The following DSCAML1 variants were observed in gnomAD, a reference collection of about 807,000 sequenced individuals.
DSCAML1 encodes the protein DS cell adhesion molecule like 1.
DSCAML1 carries 38 observed loss-of-function variants against 200.5 expected under a neutral mutation model. The ratio of observed to expected loss-of-function variants is 0.19; its 90% CI spans 0.15 to 0.25. The LOEUF is 0.25. Among genes scored for constraint, DSCAML1 ranks in the 10% least tolerant of loss-of-function variants. The pLI, the probability that DSCAML1 is intolerant of heterozygous loss-of-function variation, is 1.00. For missense variants in DSCAML1, 2,223 were observed against 2,858.8 expected, an observed-to-expected ratio of 0.78 and a Z score of 5.07; for synonymous variants, 1,215 against 1,165.0, an observed-to-expected ratio of 1.04 and a Z score of -0.87.
chr11:117,681,434 C>T (rs892615030), intron 3 of DSCAML1, among the ~76,000 whole-genome samples: 1 of 152,162 alleles, frequency 6.6e-6, no homozygotes, highest in African/African-American at 2.4e-5. Flanking sequence ...CCTTGAAGGC[C>T]CTCTGGCTTG....
chr11:117,603,698 C>A (rs2051509127), intron 3 of DSCAML1, among the ~76,000 whole-genome samples: 2 of 152,196 alleles, frequency 1.3e-5, no homozygotes, highest in Admixed American at 1.3e-4. Context: ...TTCCTCTCTT[C>A]CAGTAAGGCC....
intron 8 of DSCAML1, among the ~76,000 whole-genome samples, chr11:117,511,517 CTG>C (rs2137291790): frequency 6.6e-6 from 1 of 152,338 alleles, no homozygotes; most frequent in African/African-American, 2.4e-5. Context: ...TAGGTTTGAT[CTG>C]TGTGCTCTCC....
In DSCAML1 at chr11:117,432,363, C is replaced by T. The variant is rs1248409383; in HGVS notation, c.5168G>A (p.Arg1723Gln). Residue 1723 changes from arginine to glutamine, a missense_variant, in exon 30 of 33, where the codon CGG (arginine) becomes CAG (glutamine). This residue lies in a region of DSCAML1 where 614 missense variants were observed against 739.1 expected (regional missense o/e 0.83). Transcript: ENST00000651296. The stretch of plus-strand genomic sequence containing the variant: ...GGGATAATGCGTACTGGTTCCTGGC[C>T]GGATGTCAGACATGTCGATGAGGGG... ...TGPLIDMSDI[R>Q]PGTNPVSRKN... 5.0e-6 allele frequency: 8 copies of T among 1,613,510 alleles called. No individual in the cohort carries two copies. Among genetic ancestry groups the T allele is most frequent in the South Asian group, 1.1e-5 (1 of 90,884 alleles).
chr11:117,482,159 G>T lies in DSCAML1; in HGVS notation c.2363C>A (p.Pro788Gln). 6.2e-7 allele frequency: 1 copy of T among 1,614,008 alleles called. No homozygotes were observed. The highest frequency in any genetic ancestry group is 8.5e-7 in the Non-Finnish European group (1 of 1,179,960). The change falls in exon 12 of 33, where the codon CCG (proline) becomes CAG (glutamine). Residue 788 changes from proline to glutamine, a missense_variant. Coordinates refer to ENST00000651296, the MANE Select transcript of DSCAML1 (RefSeq NM_020693.4). The part of the protein sequence containing the change: ...SKSMFLTVKI[P>Q]AMITSHPNTT... ...GTTGGGGTGGGAAGTGATCATGGCC[G>T]GGACTGGGGGGCGGAGGCAGAGAAG...
chr11:117,624,563 C>T (rs2052004099), intron 3 of DSCAML1, among the ~76,000 whole-genome samples: 1 of 151,928 alleles, frequency 6.6e-6, no homozygotes, highest in Non-Finnish European at 1.5e-5. Flanking sequence ...GTGAGATAGT[C>T]CTTTATTATG....
intron 21 of DSCAML1, among the ~76,000 whole-genome samples, chr11:117,443,358 C>T (rs2137096017): frequency 6.6e-6 from 1 of 152,382 alleles, no homozygotes; most frequent in South Asian, 2.1e-4. Context: ...CAGTGGGGCA[C>T]TCCCTAAGAG....
rs2049334780 is a variant in DSCAML1, at chr11:117,498,447, G to A, written c.2359+5398C>T. 6.6e-6 allele frequency among the ~76,000 whole-genome samples: 1 copy of A among 152,160 alleles called. No homozygotes were observed. ...GGGTACCTGGACTGTGGTCTAGAAA[G>A]GGATTTGTGGGCTCTGAGCAGCCAT... On this transcript the variant is annotated intron_variant, in intron 11 of 32. Coordinates refer to ENST00000651296, the MANE Select transcript of DSCAML1 (RefSeq NM_020693.4). This position sits in a 1 kb window ranked among gnomAD's most constrained non-coding sequence, Gnocchi z 4.0.
chr11:117,451,101 G>A (rs1216681487), intron 19 of DSCAML1, among the ~76,000 whole-genome samples: 6 of 152,178 alleles, frequency 3.9e-5, no homozygotes, highest in Non-Finnish European at 8.8e-5. Context: ...TTTGGCCTGT[G>A]AGTTTCTTGA....
At chr11:117,650,890 C>A (rs1272178384) in intron 3 of DSCAML1, among the ~76,000 whole-genome samples, 1 of 152,092 alleles carries the variant, frequency 6.6e-6, no homozygotes, top group African/African-American at 2.4e-5. Context: ...TCAGAATCAC[C>A]CAAACAGGCC....
chr11:117,680,311 C>G (rs1490124375), intron 3 of DSCAML1, among the ~76,000 whole-genome samples: 1 of 152,200 alleles, frequency 6.6e-6, no homozygotes, highest in Non-Finnish European at 1.5e-5. Flanking sequence ...GCCTGGTGGT[C>G]CTGCTGTGGC....
chr11:117,502,388 T>C (rs2137271189), intron 11 of DSCAML1, among the ~76,000 whole-genome samples: 1 of 152,288 alleles, frequency 6.6e-6, no homozygotes, highest in Non-Finnish European at 1.5e-5. Flanking sequence ...GTTGCAGAGG[T>C]GCCTGCTCTT....
chr11:117,732,480 A>G (rs540183718), intron 3 of DSCAML1, among the ~76,000 whole-genome samples: 2 of 152,276 alleles, frequency 1.3e-5, no homozygotes, highest in African/African-American at 2.4e-5. Context: ...GGCTGCCTCT[A>G]TTATAAAAAG....
At chr11:117,467,484 ATTAAG>A (rs1315526341) in intron 16 of DSCAML1, among the ~76,000 whole-genome samples, 2 of 152,208 alleles carry the variant, frequency 1.3e-5, no homozygotes, top group East Asian at 3.8e-4. Context: ...GATAAAAACA[ATTAAG>A]TTAGTAAAAC....
chr11:117,639,886 C>T (rs149454585), intron 3 of DSCAML1, among the ~76,000 whole-genome samples: 33 of 152,160 alleles, frequency 2.2e-4, no homozygotes, highest in Non-Finnish European at 3.7e-4. Context: ...CTCCCCATGA[C>T]GCCAATGCCT....
intron 3 of DSCAML1, among the ~76,000 whole-genome samples, chr11:117,687,279 GA>G (rs2053416200): frequency 6.6e-6 from 1 of 152,048 alleles, no homozygotes; most frequent in Non-Finnish European, 1.5e-5. Flanking sequence ...AATTTTTTTA[GA>G]GACAAGATCT....
intron 4 of DSCAML1, among the ~76,000 whole-genome samples, chr11:117,531,910 G>A (rs2050083730): frequency 1.0e-5 from 1 of 96,220 alleles, no homozygotes; most frequent in African/African-American, 4.9e-5. Context: ...AAAGGGAAGG[G>A]AAGGAAAGGG....
In DSCAML1 at chr11:117,602,885, G is replaced by T. The variant is rs780899907; in HGVS notation, c.512-70363C>A. Reference sequence around the variant, plus strand: ...AAGCCGAGACAGGTGGACCGTTTGAGCTCAGGAGTTCAAGACCAGTCTGGG... The same window carrying T: ...AAGCCGAGACAGGTGGACCGTTTGATCTCAGGAGTTCAAGACCAGTCTGGG... On this transcript the variant is annotated intron_variant, in intron 3 of 32. Transcript: ENST00000651296. Among the ~76,000 whole-genome samples, 23 of 152,148 alleles carry T rather than the reference G, an allele frequency of 1.5e-4. No homozygotes were observed. The Middle Eastern group carries it at 0.014, about 90-fold the overall frequency.
At chr11:117,430,501 T>G (rs980105929) in intron 32 of DSCAML1, among the ~76,000 whole-genome samples, 48 of 152,392 alleles carry the variant, frequency 3.1e-4, no homozygotes, top group African/African-American at 1.1e-3. Context: ...AGAGGTTAAA[T>G]GACTTGCCCA....
At chr11:117,793,259 C>A (rs1039565050) in intron 1 of DSCAML1, among the ~76,000 whole-genome samples, 21 of 152,158 alleles carry the variant, frequency 1.4e-4, no homozygotes, top group Non-Finnish European at 2.6e-4. Context: ...CTAGAATCGA[C>A]TGGGCTGGGA....
Sources: allele counts gnomAD v4.1 joint callset (sites outside exome capture counted in the v4.1 genomes callset), GRCh38; gene constraint gnomAD v4.1.1; regional missense constraint gnomAD v4.1.1; non-coding constraint Gnocchi (gnomAD v3.1); transcripts MANE v1.5; gene names NCBI Gene and HGNC (gene_info 2026-07-23, HGNC 2026-07-21).